Variants in SLC35F4 observed in about 807,000 individuals in gnomAD.
The protein encoded by SLC35F4 is chromosome 14 open reading frame 36.
SLC35F4 carries 24 observed loss-of-function variants against 44.2 expected under a neutral mutation model. The observed-to-expected ratio is 0.54, with a 90% confidence interval of 0.39 to 0.76. The LOEUF is 0.76. Among genes scored for constraint, SLC35F4 ranks in the 30% least tolerant of loss-of-function variants. The pLI, the probability that SLC35F4 is intolerant of heterozygous loss-of-function variation, is 0.00. For missense variants in SLC35F4, 562 were observed against 586.1 expected, an observed-to-expected ratio of 0.96 and a Z score of 0.42; for synonymous variants, 238 against 223.6, an observed-to-expected ratio of 1.06 and a Z score of -0.57.
rs1450485228 is a variant in SLC35F4 at position 57,942,649 on chromosome 14, G to A, written n.282+39264C>T. Among the ~76,000 whole-genome samples, 4 of 152,128 alleles carry A rather than the reference G, an allele frequency of 2.6e-5. No individual in the cohort carries two copies. In the East Asian group the frequency reaches 7.7e-4, roughly 29 times the overall value. Reference sequence around the variant, plus strand: ...ACAACTGTTGCCCAAAGCCCAATATGCTATGGAGGGAGAGTTTTAACAGGA... The same window carrying A: ...ACAACTGTTGCCCAAAGCCCAATATACTATGGAGGGAGAGTTTTAACAGGA... On this transcript the variant is annotated intron_variant and non_coding_transcript_variant, in intron 1 of 1. Coordinates refer to the SLC35F4 transcript ENST00000556568.
At chr14:57,937,888 G>A (rs148389248) in intron 1 of SLC35F4, among the ~76,000 whole-genome samples, 12 of 152,206 alleles carry the variant, frequency 7.9e-5, no homozygotes, top group African/African-American at 2.2e-4. Context: ...ATATTAACCA[G>A]GGGAACAGCA....
At chr14:57,970,688 G>T (rs1423495129) in intron 1 of SLC35F4, among the ~76,000 whole-genome samples, 2 of 152,168 alleles carry the variant, frequency 1.3e-5, no homozygotes, top group East Asian at 3.8e-4. Context: ...AGCCTGCTTG[G>T]TAAGCATGGA....
intron 1 of SLC35F4, among the ~76,000 whole-genome samples, chr14:57,924,590 A>C (rs1036208453): frequency 6.6e-6 from 1 of 151,966 alleles, no homozygotes; most frequent in Non-Finnish European, 1.5e-5. Context: ...CTGGGACTAG[A>C]GGTGCCTGCC....
intron 1 of SLC35F4, among the ~76,000 whole-genome samples, chr14:57,737,998 A>G (rs1226411336): frequency 6.6e-6 from 1 of 152,262 alleles, no homozygotes; most frequent in Non-Finnish European, 1.5e-5. Flanking sequence ...TAAACATGCT[A>G]AAACTTGGAG....
At chr14:57,880,889 G>A (rs1888522344) in intron 1 of SLC35F4, among the ~76,000 whole-genome samples, 2 of 152,118 alleles carry the variant, frequency 1.3e-5, no homozygotes, top group African/African-American at 4.8e-5. Context: ...GAATAAATTG[G>A]ATTTCTAAAG....
chr14:57,577,670 T>TTA (rs1252063513), intron 4 of SLC35F4, among the ~76,000 whole-genome samples: 14 of 149,082 alleles, frequency 9.4e-5, no homozygotes, highest in African/African-American at 2.5e-4. Context: ...AACCTTTTTT[T>TTA]AAAAAAAAAA....
At chr14:57,828,102 C>T (rs1466676202) in intron 1 of SLC35F4, among the ~76,000 whole-genome samples, 1 of 152,158 alleles carries the variant, frequency 6.6e-6, no homozygotes. Flanking sequence ...CAAGCATGCA[C>T]TTTGCAATAA....
intron 1 of SLC35F4, among the ~76,000 whole-genome samples, chr14:57,963,088 C>G (rs1890368675): frequency 6.6e-6 from 1 of 152,176 alleles, no homozygotes; most frequent in South Asian, 2.1e-4. Flanking sequence ...AAGGTCACTC[C>G]TTCATCTAGA....
intron 1 of SLC35F4, among the ~76,000 whole-genome samples, chr14:57,619,072 C>T (rs979212261): frequency 6.6e-6 from 1 of 152,200 alleles, no homozygotes; most frequent in Non-Finnish European, 1.5e-5. Context: ...CCCCATCTCC[C>T]TGGGACAGAG....
intron 2 of SLC35F4, among the ~76,000 whole-genome samples, chr14:57,592,073 C>T (rs983421255): frequency 3.3e-5 from 5 of 152,164 alleles, no homozygotes; most frequent in African/African-American, 9.7e-5. Flanking sequence ...CTTTTATTTT[C>T]TGACCACTTT....
chr14:57,755,930 C>T (rs528356316), intron 1 of SLC35F4, among the ~76,000 whole-genome samples: 4 of 152,296 alleles, frequency 2.6e-5, no homozygotes, highest in African/African-American at 7.2e-5. Context: ...TATCATACCA[C>T]GCCATTCATA....
chr14:57,569,360 C>G (rs943001486), intron 6 of SLC35F4, among the ~76,000 whole-genome samples: 2 of 152,214 alleles, frequency 1.3e-5, no homozygotes, highest in Non-Finnish European at 2.9e-5. Flanking sequence ...CCCTCCCTCC[C>G]TTCCTTCCTT....
chr14:57,587,293 T>C (rs2069821352), intron 3 of SLC35F4, among the ~76,000 whole-genome samples: 2 of 152,222 alleles, frequency 1.3e-5, no homozygotes, highest in Admixed American at 1.3e-4. Context: ...TCCAAAGGAT[T>C]ATAAATCATT....
At position 57,623,340 on chromosome 14, in the gene SLC35F4, T is replaced by G. The variant is rs974335463; in HGVS notation, c.104-29216A>C. Among the ~76,000 whole-genome samples the G allele has an allele frequency of 6.3e-4, 96 of 152,232 alleles. 1 individual carries two copies. Among genetic ancestry groups the G allele is most frequent in the Non-Finnish European group, 1.1e-3 (73 of 68,020 alleles). ...GTTCTTAGAGACCTAAAAAGAGACT[T>G]AGACTCCCACACAATAATAGTGGAA... On this transcript the variant is annotated intron_variant, in intron 1 of 7. Coordinates refer to ENST00000556826, the MANE Select transcript of SLC35F4 (RefSeq NM_001306087.2).
At chr14:57,839,043 G>A (rs1304531850) in intron 1 of SLC35F4, among the ~76,000 whole-genome samples, 3 of 152,064 alleles carry the variant, frequency 2.0e-5, no homozygotes, top group Admixed American at 6.6e-5. Context: ...GGACACAGGG[G>A]TCTTAAGGTT....
intron 1 of SLC35F4, among the ~76,000 whole-genome samples, chr14:57,942,131 A>G (rs997654475): frequency 1.3e-5 from 2 of 152,206 alleles, no homozygotes; most frequent in African/African-American, 4.8e-5. Flanking sequence ...CTGCCTCAAG[A>G]GTGAATAACG....
intron 1 of SLC35F4, among the ~76,000 whole-genome samples, chr14:57,674,292 A>G (rs982513468): frequency 6.6e-6 from 1 of 152,162 alleles, no homozygotes; most frequent in African/African-American, 2.4e-5. Flanking sequence ...ATCCTTTGGG[A>G]AAAGGTTTGT....
chr14:57,973,232 C>G (rs933495592), downstream of SLC35F4, among the ~76,000 whole-genome samples: 1 of 152,098 alleles, frequency 6.6e-6, no homozygotes, highest in African/African-American at 2.4e-5. Flanking sequence ...AGCTACATGC[C>G]AGGAAGTTTC....
chr14:57,786,768 C>T (rs1271896769), intron 1 of SLC35F4, among the ~76,000 whole-genome samples: 1 of 152,142 alleles, frequency 6.6e-6, no homozygotes, highest in Non-Finnish European at 1.5e-5. Context: ...TCTGAACAGC[C>T]TTCAGCCCTA....
Sources: gnomAD v4.1 joint callset for allele counts (sites outside exome capture counted in the v4.1 genomes callset) on GRCh38, gnomAD v4.1.1 for gene constraint, MANE v1.5 for transcripts, NCBI Gene and HGNC (gene_info 2026-07-23, HGNC 2026-07-21) for gene names.